The following WDR41 variants were observed in gnomAD, a reference collection of about 807,000 sequenced individuals.
WDR41 encodes the protein WD repeat domain 41.
Under a neutral mutation model 69.3 loss-of-function variants are expected in WDR41, and 63 were observed. The observed-to-expected ratio is 0.91, with a 90% CI of 0.74 to 1.12. The LOEUF (loss-of-function observed/expected upper bound fraction) is 1.12. Among genes scored for constraint, WDR41 ranks in the 50% most tolerant of loss-of-function variants. WDR41 has a pLI of 0.00. For missense variants in WDR41, 543 were observed against 534.5 expected (o/e 1.02, Z -0.16); for synonymous variants, 185 against 192.1 (o/e 0.96, Z 0.31).
intron 4 of WDR41, among the ~76,000 whole-genome samples, chr5:77,462,409 CAAAAA>C (rs10670808): frequency 5.9e-5 from 6 of 102,444 alleles, no homozygotes; most frequent in African/African-American, 1.4e-4. Flanking sequence ...AACTCCGTCT[CAAAAA>C]AAAAAAAAAA....
intron 6 of WDR41, chr5:77,452,086 G>A (rs561483822): frequency 6.6e-6 from 1 of 151,630 alleles, no homozygotes; most frequent in Non-Finnish European, 1.5e-5. Context: ...TGCAAGTGTA[G>A]AAAACGGTCT....
chr5:77,479,822 T>A (rs1358062443), intron 2 of WDR41, among the ~76,000 whole-genome samples: 1 of 151,714 alleles, frequency 6.6e-6, no homozygotes, highest in Admixed American at 6.6e-5. Flanking sequence ...AATTGACAAA[T>A]GGGATCTAAT....
At chr5:77,518,390 T>G (rs1471016691) in intron 1 of WDR41, among the ~76,000 whole-genome samples, 3 of 152,166 alleles carry the variant, frequency 2.0e-5, no homozygotes, top group Non-Finnish European at 2.9e-5. Flanking sequence ...ATTCCTTCTT[T>G]GTAATCACTA....
chr5:77,533,787 C>T (rs1742908825), intron 1 of WDR41, among the ~76,000 whole-genome samples: 1 of 152,034 alleles, frequency 6.6e-6, no homozygotes. Flanking sequence ...AGTGTAGGGG[C>T]CCCTTCATAT....
intron 1 of WDR41, among the ~76,000 whole-genome samples, chr5:77,595,970 G>A (rs74484061): frequency 0.012 from 1,824 of 152,204 alleles, 34 homozygotes; most frequent in African/African-American, 0.042. Flanking sequence ...GAATCCAGAC[G>A]TTTCTTAACT....
chr5:77,453,184 G>C (rs1799692143), intron 6 of WDR41, among the ~76,000 whole-genome samples: 1 of 152,084 alleles, frequency 6.6e-6, no homozygotes, highest in Admixed American at 6.5e-5. Context: ...TCAACAACAT[G>C]CACAACAATG....
At chr5:77,581,181 C>A (rs1743932914) in intron 1 of WDR41, among the ~76,000 whole-genome samples, 1 of 151,836 alleles carries the variant, frequency 6.6e-6, no homozygotes, top group Admixed American at 6.6e-5. Flanking sequence ...ATGCAAACAG[C>A]AATCACTTAA....
At chr5:77,550,624 A>G (rs1278016658) in intron 1 of WDR41, among the ~76,000 whole-genome samples, 1 of 152,216 alleles carries the variant, frequency 6.6e-6, no homozygotes, top group Non-Finnish European at 1.5e-5. Flanking sequence ...ATGCTTATAC[A>G]CTGTTGGTGG....
chr5:77,606,285 T>C (rs1049433789), intron 1 of WDR41, among the ~76,000 whole-genome samples: 2 of 152,116 alleles, frequency 1.3e-5, no homozygotes, highest in East Asian at 1.9e-4. Context: ...TCATAAGGTG[T>C]CTGATAAGCT....
At chr5:77,549,521 A>G (rs1465871828) in intron 1 of WDR41, among the ~76,000 whole-genome samples, 1 of 152,100 alleles carries the variant, frequency 6.6e-6, no homozygotes, top group Non-Finnish European at 1.5e-5. Flanking sequence ...CCGCTCCAAA[A>G]AAAACACCCC....
intron 1 of WDR41, among the ~76,000 whole-genome samples, chr5:77,559,430 A>G (rs920551188): frequency 1.8e-4 from 28 of 152,138 alleles, no homozygotes; most frequent in African/African-American, 6.5e-4. Flanking sequence ...GTGTTTAACA[A>G]CAGGCTGGCA....
chr5:77,602,026 C>T (rs1744331371), intron 1 of WDR41, among the ~76,000 whole-genome samples: 1 of 152,156 alleles, frequency 6.6e-6, no homozygotes, highest in Admixed American at 6.5e-5. Flanking sequence ...ACTAGAGTCA[C>T]CCTACTCTGT....
chr5:77,551,160 T>C (rs1743288006), intron 1 of WDR41, among the ~76,000 whole-genome samples: 1 of 152,118 alleles, frequency 6.6e-6, no homozygotes, highest in Non-Finnish European at 1.5e-5. Context: ...AGCATCATGC[T>C]ATGTACTCAC....
At chr5:77,489,733 C>A (rs1801684488) in intron 1 of WDR41, among the ~76,000 whole-genome samples, 161 bp from the exon 2 acceptor site, 1 of 152,140 alleles carries the variant, frequency 6.6e-6, no homozygotes, top group South Asian at 2.1e-4. Flanking sequence ...ATTATTTCTT[C>A]TTTTATCAAC....
intron 1 of WDR41, among the ~76,000 whole-genome samples, chr5:77,498,213 A>T (rs1801963321): frequency 6.6e-6 from 1 of 152,202 alleles, no homozygotes; most frequent in Non-Finnish European, 1.5e-5. Flanking sequence ...ACTGAATTGT[A>T]CAATTACAAA....
At chr5:77,448,444 T>C (rs1290797577) in intron 8 of WDR41, among the ~76,000 whole-genome samples, 1 of 152,104 alleles carries the variant, frequency 6.6e-6, no homozygotes, top group Admixed American at 6.6e-5. Flanking sequence ...GGGAGGAAGA[T>C]TTTGGAGCTG....
intron 1 of WDR41, chr5:77,582,243 T>C (rs1052858691): frequency 5.1e-6 from 4 of 781,270 alleles, no homozygotes; most frequent in African/African-American, 1.7e-5. Flanking sequence ...TTAGATGAAA[T>C]GGACAAAATT....
chr5:77,438,241 T>TG lies in WDR41; in HGVS notation c.1002dup (p.Arg335GlnfsTer26). ...TGCAGAACAGATGGGAACTTGTACCTGTTTGGAAGTCTGGCAACGTGCAGG... is the reference window on the plus strand; with the variant it reads ...TGCAGAACAGATGGGAACTTGTACCTGGTTTGGAAGTCTGGCAACGTGCAGG... On this transcript the variant is annotated frameshift_variant and splice_region_variant, in exon 10 of 13. Coordinates refer to ENST00000296679, the MANE Select transcript of WDR41 (RefSeq NM_018268.4). LOFTEE classifies it high-confidence loss of function. 6.2e-7 allele frequency: 1 copy of TG among 1,613,908 alleles called. No homozygotes were observed. The highest frequency in any genetic ancestry group is 8.5e-7 in the Non-Finnish European group (1 of 1,179,822).
intron 1 of WDR41, among the ~76,000 whole-genome samples, chr5:77,605,913 T>A (rs765574943): frequency 1.3e-5 from 2 of 152,066 alleles, no homozygotes; most frequent in African/African-American, 4.8e-5. Flanking sequence ...AATACAAATG[T>A]GATTACTGTT....
Sources: gnomAD v4.1 joint callset for allele counts (sites outside exome capture counted in the v4.1 genomes callset) on GRCh38, gnomAD v4.1.1 for gene constraint, MANE v1.5 for transcripts, NCBI Gene and HGNC (gene_info 2026-07-23, HGNC 2026-07-21) for gene names.